Variants in RPH3AL observed in about 807,000 individuals in gnomAD.
The protein encoded by RPH3AL is rab effector Noc2.
Under a neutral mutation model 43.1 loss-of-function variants are expected in RPH3AL, and 38 were observed. That is an observed-to-expected ratio of 0.88 (90% CI 0.68 to 1.15). The LOEUF is 1.15. Ranked by LOEUF, RPH3AL falls within the 50% of genes most tolerant of loss-of-function variation. The pLI is 0.00. For missense variants in RPH3AL, 462 were observed against 423.2 expected (o/e 1.09, Z -0.81); for synonymous variants, 189 against 176.3 (o/e 1.07, Z -0.57).
At chr17:224,662 G>A (rs2041065808) in intron 7 of RPH3AL, among the ~76,000 whole-genome samples, 1 of 152,242 alleles carries the variant, frequency 6.6e-6, no homozygotes, top group Non-Finnish European at 1.5e-5. Flanking sequence ...GTACACTGGA[G>A]CAAGAGTGAT....
chr17:245,307 G>A lies in RPH3AL; in HGVS notation c.613+1804C>T, dbSNP rs1555539430. Among the ~76,000 whole-genome samples the A allele has an allele frequency of 6.6e-6, 1 of 151,482 alleles. No homozygotes were observed. The highest frequency in any genetic ancestry group is 1.5e-5 in the Non-Finnish European group (1 of 67,868). Reference sequence around the variant, plus strand: ...TACGTGGGTGTGTGTGTGGATGTGTGTGTGGATGTGGATGTCAGTGTGTGT... The same window carrying A: ...TACGTGGGTGTGTGTGTGGATGTGTATGTGGATGTGGATGTCAGTGTGTGT... On this transcript the variant is annotated intron_variant, in intron 7 of 9. Transcript: ENST00000331302. This position sits in a 1 kb window ranked among gnomAD's most constrained non-coding sequence, Gnocchi z 5.9.
rs376252589 is a variant in RPH3AL, at chr17:293,809, G to A, written c.352-11955C>T. Among the ~76,000 whole-genome samples, 222 of 152,042 alleles carry A rather than the reference G, an allele frequency of 1.5e-3. 1 individual carries two copies. The highest frequency in any genetic ancestry group is 5.1e-3 in the African/African-American group (210 of 41,358). ...TTTGGGAGGCTGAGGTGGGCGGATC[G>A]CCTGAGGTCAGGAGTTCAACACCAA... On this transcript the variant is annotated intron_variant, in intron 5 of 9. Transcript: ENST00000331302.
At chr17:301,714 C>T (rs1406408319) in intron 5 of RPH3AL, among the ~76,000 whole-genome samples, 6 of 152,178 alleles carry the variant, frequency 3.9e-5, no homozygotes, top group Admixed American at 6.5e-5. Flanking sequence ...CCTGGAATTA[C>T]AGGTGTGACC....
intron 8 of RPH3AL, among the ~76,000 whole-genome samples, chr17:216,205 G>A (rs1410085496): frequency 8.2e-6 from 1 of 122,594 alleles, no homozygotes; most frequent in Admixed American, 8.2e-5. Flanking sequence ...GCTCTGGCCT[G>A]ACCCCACCCA....
chr17:316,986 C>A (rs1188825050), intron 5 of RPH3AL, among the ~76,000 whole-genome samples: 1 of 148,502 alleles, frequency 6.7e-6, no homozygotes, highest in African/African-American at 2.5e-5. Context: ...GACCTGTAGT[C>A]CCTGTGACCC....
Position 328,746 on chromosome 17 carries a change from C to T in RPH3AL, c.-36-1167G>A, listed in dbSNP as rs560131981. On this transcript the variant is annotated intron_variant, in intron 2 of 9. Transcript: ENST00000331302. The surrounding 1 kb of genome is among the most constrained non-coding windows in gnomAD (Gnocchi z 4.2). Reference sequence around the variant, plus strand: ...ATGATTTACAATGGATTATTATTTACAATGGATTATTATTATTTACAATGG... The same window carrying T: ...ATGATTTACAATGGATTATTATTTATAATGGATTATTATTATTTACAATGG... 1.3e-5 allele frequency among the ~76,000 whole-genome samples: 2 copies of T among 152,242 alleles called. No individual in the cohort carries two copies. The highest frequency in any genetic ancestry group is 1.5e-5 in the Non-Finnish European group (1 of 68,024).
At chr17:267,257 G>T (rs1479752026) in intron 6 of RPH3AL, among the ~76,000 whole-genome samples, 1 of 152,210 alleles carries the variant, frequency 6.6e-6, no homozygotes, top group East Asian at 1.9e-4. Flanking sequence ...ACTTTCAACT[G>T]GCACGCGGCA....
intron 1 of RPH3AL, chr17:341,090 T>G (rs1484183604): frequency 6.3e-5 from 3 of 47,962 alleles, no homozygotes; most frequent in African/African-American, 9.1e-5. Flanking sequence ...CACTGCCCCC[T>G]CCCAGGCCTC....
chr17:279,093 T>C (rs2042723001), intron 6 of RPH3AL, among the ~76,000 whole-genome samples: 1 of 152,158 alleles, frequency 6.6e-6, no homozygotes, highest in African/African-American at 2.4e-5. Context: ...AACTCCAAAT[T>C]TTCATCACAG....
At chr17:331,779 C>G in intron 2 of RPH3AL, 11 of 1,289,202 alleles carry the variant, frequency 8.5e-6, no homozygotes, top group Non-Finnish European at 1.1e-5. Flanking sequence ...GGCAGAAAGT[C>G]TGACCCTTCT....
chr17:244,570 GC>G (rs1555538930), intron 7 of RPH3AL, among the ~76,000 whole-genome samples: 2 of 152,132 alleles, frequency 1.3e-5, no homozygotes, highest in African/African-American at 4.8e-5. Context: ...GAAGATGCTG[GC>G]CCCGGGGCCC....
intron 7 of RPH3AL, among the ~76,000 whole-genome samples, chr17:232,338 C>T (rs2041248683): frequency 6.6e-6 from 1 of 152,204 alleles, no homozygotes; most frequent in Non-Finnish European, 1.5e-5. Flanking sequence ...CGCACAGCGC[C>T]CAGGACAGCC....
At chr17:315,630 C>A (rs2044018464) in intron 5 of RPH3AL, among the ~76,000 whole-genome samples, 1 of 151,084 alleles carries the variant, frequency 6.6e-6, no homozygotes, top group Non-Finnish European at 1.5e-5. Context: ...TGTACTCCAC[C>A]TCCACTGACC....
At chr17:336,633 C>T (rs2044961499) in intron 1 of RPH3AL, among the ~76,000 whole-genome samples, 1 of 152,194 alleles carries the variant, frequency 6.6e-6, no homozygotes. Flanking sequence ...ACCATCCTTA[C>T]AGCCCAGGTC....
chr17:341,390 G>A (rs2045116395), intron 1 of RPH3AL: 1 of 152,082 alleles, frequency 6.6e-6, no homozygotes, highest in Admixed American at 6.5e-5. Context: ...AGGATGCCGA[G>A]ACCATACGAC....
intron 5 of RPH3AL, among the ~76,000 whole-genome samples, chr17:284,535 C>G (rs896692228): frequency 6.6e-6 from 1 of 151,978 alleles, no homozygotes; most frequent in Non-Finnish European, 1.5e-5. Flanking sequence ...CTGATGCTGA[C>G]TCTAGGAGCA....
At chr17:315,624 C>T (rs72477018) in intron 5 of RPH3AL, among the ~76,000 whole-genome samples, 315 of 92,956 alleles carry the variant, frequency 3.4e-3, no homozygotes, top group African/African-American at 0.011. Context: ...AGTCCCTGTA[C>T]TCCACCTCCA....
At chr17:228,065 T>C (rs1033009361) in intron 7 of RPH3AL, among the ~76,000 whole-genome samples, 1 of 151,920 alleles carries the variant, frequency 6.6e-6, no homozygotes, top group African/African-American at 2.4e-5. Flanking sequence ...GAAGTCCCAC[T>C]GAGATGTCTC....
At chr17:310,485 C>T (rs1370350926) in intron 5 of RPH3AL, among the ~76,000 whole-genome samples, 2 of 152,150 alleles carry the variant, frequency 1.3e-5, no homozygotes, top group Non-Finnish European at 2.9e-5. Context: ...CATCCCTTCT[C>T]CAGCCTGCCC....
Sources: gnomAD v4.1 joint callset for allele counts (sites outside exome capture counted in the v4.1 genomes callset) on GRCh38, gnomAD v4.1.1 for gene constraint, Gnocchi (gnomAD v3.1) non-coding constraint, MANE v1.5 for transcripts, NCBI Gene and HGNC (gene_info 2026-07-23, HGNC 2026-07-21) for gene names.